ELP4: variants seen among roughly 807,000 people sequenced by gnomAD.
ELP4 encodes the protein elongator complex protein 4.
Under a neutral mutation model 48.9 loss-of-function variants are expected in ELP4, and 51 were observed. The observed-to-expected ratio is 1.04, with a 90% CI of 0.83 to 1.32. The LOEUF (loss-of-function observed/expected upper bound fraction) is 1.32. Among genes scored for constraint, ELP4 ranks in the 40% most tolerant of loss-of-function variants. The pLI, the probability that ELP4 is intolerant of heterozygous loss-of-function variation, is 0.00. For missense variants in ELP4, 519 were observed against 514.6 expected (o/e 1.01, Z -0.08); for synonymous variants, 210 against 189.2 (o/e 1.11, Z -0.90).
chr11:31,695,123 C>G (rs982314143), intron 9 of ELP4, among the ~76,000 whole-genome samples: 1 of 152,138 alleles, frequency 6.6e-6, no homozygotes, highest in Non-Finnish European at 1.5e-5. Context: ...TGGACTTCCT[C>G]TCTTCCTGAT....
intron 6 of ELP4, among the ~76,000 whole-genome samples, chr11:31,630,837 C>G (rs1219122065): frequency 2.0e-5 from 3 of 151,976 alleles, no homozygotes; most frequent in Non-Finnish European, 4.4e-5. Context: ...CCCAGCTACT[C>G]TGGAGGCAGA....
intron 9 of ELP4, among the ~76,000 whole-genome samples, chr11:31,770,183 G>A (rs1387643116): frequency 6.6e-6 from 1 of 152,156 alleles, no homozygotes; most frequent in Non-Finnish European, 1.5e-5. Flanking sequence ...TGTATTGTGT[G>A]TTCCAGAGCC....
intron 1 of ELP4, among the ~76,000 whole-genome samples, chr11:31,517,374 G>C (rs1430474439): frequency 6.6e-6 from 1 of 151,906 alleles, no homozygotes; most frequent in African/African-American, 2.4e-5. Context: ...TTGTTGGCCA[G>C]GATGGTCTCG....
chr11:31,754,112 A>G (rs537141193), intron 9 of ELP4, among the ~76,000 whole-genome samples: 9 of 152,326 alleles, frequency 5.9e-5, no homozygotes, highest in Non-Finnish European at 1.2e-4. Flanking sequence ...CTCTGCTGCT[A>G]TAATTGTGAG....
At chr11:31,651,097 A>G (rs371145547) in intron 9 of ELP4, 50 of 151,768 alleles carry the variant, frequency 3.3e-4, no homozygotes, top group African/African-American at 1.1e-3. Flanking sequence ...ATGATGGTCA[A>G]TGTGGCTTGG....
intron 9 of ELP4, among the ~76,000 whole-genome samples, chr11:31,765,665 A>G (rs912013133): frequency 5.3e-5 from 8 of 152,136 alleles, no homozygotes; most frequent in African/African-American, 9.6e-5. Flanking sequence ...GAGTGCAACA[A>G]TAGATCCCCT....
At chr11:31,737,217 G>A (rs1208877755) in intron 9 of ELP4, among the ~76,000 whole-genome samples, 1 of 151,942 alleles carries the variant, frequency 6.6e-6, no homozygotes, top group Non-Finnish European at 1.5e-5. Context: ...CTATTGCAAG[G>A]ACAAAAAACC....
intron 9 of ELP4, among the ~76,000 whole-genome samples, chr11:31,676,368 T>G (rs1945925606): frequency 2.0e-5 from 3 of 152,230 alleles, no homozygotes; most frequent in South Asian, 4.1e-4. Flanking sequence ...ATCTGCTTCA[T>G]GTTTTCCCAT....
At chr11:31,594,171 A>C (rs1321838909) in intron 3 of ELP4, among the ~76,000 whole-genome samples, 1 of 152,152 alleles carries the variant, frequency 6.6e-6, no homozygotes, top group East Asian at 1.9e-4. Flanking sequence ...TATGGTTATG[A>C]AGTTGGTCAC....
intron 1 of ELP4, chr11:31,510,536 G>C (rs1278122814): frequency 2.5e-6 from 1 of 403,156 alleles, no homozygotes; most frequent in Non-Finnish European, 4.4e-6. Context: ...AATGTTAAAG[G>C]CTTATGTTGA....
At chr11:31,575,755 C>T (rs999793786) in intron 3 of ELP4, among the ~76,000 whole-genome samples, 52 of 152,184 alleles carry the variant, frequency 3.4e-4, no homozygotes, top group African/African-American at 1.1e-3. Flanking sequence ...GATTTCGTTA[C>T]CACCAGGCTT....
intron 3 of ELP4, among the ~76,000 whole-genome samples, chr11:31,585,330 A>T (rs1234581009): frequency 6.6e-6 from 1 of 152,114 alleles, no homozygotes; most frequent in African/African-American, 2.4e-5. Flanking sequence ...CTAATAATGT[A>T]CCACCTCCTG....
intron 9 of ELP4, among the ~76,000 whole-genome samples, chr11:31,680,376 A>G (rs150518349): frequency 6.6e-6 from 1 of 152,240 alleles, no homozygotes; most frequent in Non-Finnish European, 1.5e-5. Flanking sequence ...AATGATATTT[A>G]TGATGATATT....
At chr11:31,741,955 A>G (rs187704100) in intron 9 of ELP4, among the ~76,000 whole-genome samples, 5 of 152,300 alleles carry the variant, frequency 3.3e-5, no homozygotes, top group Non-Finnish European at 4.4e-5. Context: ...TCCGAGCTAC[A>G]GGAGGAAATT....
chr11:31,627,104 CA>C lies in ELP4; in HGVS notation c.654-4del. 6.3e-7 allele frequency: 1 copy of C among 1,588,374 alleles called. No individual in the cohort carries two copies. The highest frequency in any genetic ancestry group is 8.6e-7 in the Non-Finnish European group (1 of 1,161,014). ...TATGTATTTGAACCACTTCTTTTAC[CA>C]ACAGTTCTTTGACCCCTGGCTACAC... On this transcript the variant is annotated splice_region_variant and splice_polypyrimidine_tract_variant and intron_variant, in intron 5 of 9. Transcript: ENST00000640961.
intron 4 of ELP4, among the ~76,000 whole-genome samples, chr11:31,597,049 T>C (rs192103880): frequency 6.6e-6 from 1 of 152,250 alleles, no homozygotes; most frequent in Admixed American, 6.5e-5. Context: ...CTGGTGAAAA[T>C]GTAAAAAGGT....
Position 31,743,808 on chromosome 11 carries a change from A to G in ELP4, c.1144-39585A>G, listed in dbSNP as rs577870667. Among the ~76,000 whole-genome samples, 246 of 152,318 alleles carry G rather than the reference A, an allele frequency of 1.6e-3. 2 individuals are homozygous for G. The highest frequency in any genetic ancestry group is 5.2e-3 in the African/African-American group (215 of 41,572). ...CAAAAGAAAGCAGGAAAGATCTAAA[A>G]TTGACACCCTAACATCACAATTAAA... On this transcript the variant is annotated intron_variant, in intron 9 of 9. Coordinates refer to ENST00000640961, the MANE Select transcript of ELP4 (RefSeq NM_019040.5).
Position 31,539,767 on chromosome 11 carries a change from C to A in ELP4, c.365C>A (p.Pro122His). The A allele has an allele frequency of 6.2e-7, 1 of 1,607,698 alleles. No individual in the cohort carries two copies. The highest frequency in any genetic ancestry group is 8.5e-7 in the Non-Finnish European group (1 of 1,177,666). ...TTGGTTGCATCTGCTAAAGAGGATCCTGCCAACATTTTACAGGTATAGAAT... is the reference window on the plus strand; with the variant it reads ...TTGGTTGCATCTGCTAAAGAGGATCATGCCAACATTTTACAGGTATAGAAT... ...TLLVASAKED[P>H]ANILQELPAP... is the part of the protein sequence containing the mutation. The change falls in exon 3 of 10, where the codon CCT becomes CAT. Residue 122 changes from proline to histidine, a missense_variant. Physicochemically the swap from Pro to His is moderately conservative, Grantham distance 77 (BLOSUM62 -2). Transcript: ENST00000640961.
rs573881134 is a variant in ELP4 at position 31,581,293 on chromosome 11, G to T, written c.382-13477G>T. ...ATGTCTTGTTTCCTGGATCTCTAGT[G>T]TTCATATGTATTAGTTCATCCCTTG... On this transcript the variant is annotated intron_variant, in intron 3 of 9. Transcript: ENST00000640961. Among the ~76,000 whole-genome samples, 5 of 152,180 alleles carry T rather than the reference G, an allele frequency of 3.3e-5. No homozygotes were observed. In the East Asian group the frequency reaches 9.7e-4, roughly 29 times the overall value.
Sources: allele counts gnomAD v4.1 joint callset (sites outside exome capture counted in the v4.1 genomes callset), GRCh38; gene constraint gnomAD v4.1.1; transcripts MANE v1.5; gene names NCBI Gene and HGNC (gene_info 2026-07-23, HGNC 2026-07-21).